EBPL: variants seen among roughly 807,000 people sequenced by gnomAD.
EBPL encodes emopamil-binding protein-like.
EBPL carries 20 observed loss-of-function variants against 19.0 expected under a neutral mutation model. That is an observed-to-expected ratio of 1.05 (90% confidence interval 0.74 to 1.53). The LOEUF (loss-of-function observed/expected upper bound fraction) is 1.53, where lower values mean the gene tolerates loss of function less well. EBPL is among the 40% of genes most tolerant of loss of function. The pLI is 0.00. For synonymous variants in EBPL, 107 were observed against 117.0 expected (o/e 0.91, Z 0.55); for missense variants, 219 against 261.1 (o/e 0.84, Z 1.11).
At chr13:49,690,429 A>AC (rs1954049345) in intron 1 of EBPL, among the ~76,000 whole-genome samples, 2 of 151,518 alleles carry the variant, frequency 1.3e-5, no homozygotes, top group Non-Finnish European at 2.9e-5. Context: ...AAAAAAAAAA[A>AC]AAAACAAACT....
At chr13:49,665,582 T>C (rs1965214060) in intron 2 of EBPL, among the ~76,000 whole-genome samples, 1 of 152,182 alleles carries the variant, frequency 6.6e-6, no homozygotes, top group African/African-American at 2.4e-5. Flanking sequence ...AATTTTTGTA[T>C]TTTTGGTAGA....
At position 49,691,476 on chromosome 13, in the gene EBPL, G is replaced by T. The variant is rs749456215; in HGVS notation, c.-52C>A. On this transcript the variant is annotated 5_prime_UTR_variant, in exon 1 of 4. In the 5' UTR this introduces an upstream ATG that the reference lacks. Transcript: ENST00000242827. The stretch of plus-strand genomic sequence containing the variant: ...CAGGACCATGCGGCAGAGGAAAGCA[G>T]GGAGAGAAACGACGGGGCGGGGCTG... 7.8e-6 allele frequency: 10 copies of T among 1,278,612 alleles called. No individual in the cohort carries two copies. Among genetic ancestry groups the T allele is most frequent in the Non-Finnish European group, 9.9e-6 (10 of 1,011,356 alleles). 79.2% of individuals were successfully genotyped at this position (1,278,612 alleles called of 1,614,324 possible).
chr13:49,665,399 G>T (rs1965211813), intron 2 of EBPL, among the ~76,000 whole-genome samples: 2 of 152,194 alleles, frequency 1.3e-5, no homozygotes, highest in Admixed American at 1.3e-4. Context: ...AGCCTCCCAA[G>T]TAGCTAGGAT....
In EBPL at chr13:49,679,820, A is replaced by G. The variant is rs145301363; in HGVS notation, c.172-9974T>C. On this transcript the variant is annotated intron_variant, in intron 1 of 3. Transcript: ENST00000242827. Reference sequence around the variant, plus strand: ...GCCTGGCCGAGATTGTATTTCTGACATTCATGGCTACTTTCACCTCTCCGG... The same window carrying G: ...GCCTGGCCGAGATTGTATTTCTGACGTTCATGGCTACTTTCACCTCTCCGG... Among the ~76,000 whole-genome samples the G allele has an allele frequency of 1.1e-3, 164 of 152,268 alleles. 2 individuals are homozygous for G. In the East Asian group the frequency reaches 0.029, roughly 27 times the overall value.
At chr13:49,690,474 TGTGTGTGTGTGTGTGCGTGCGC>T (rs11275844) in intron 1 of EBPL, among the ~76,000 whole-genome samples, 53,114 of 145,820 alleles carry the variant, frequency 0.36, 9,869 homozygotes, top group Non-Finnish European at 0.42. Flanking sequence ...AACTTAAAAG[TGTGTGTGTGTGTGTGCGTGCGC>T]GTGTGTGGTG....
At chr13:49,683,221 C>T (rs1010587955) in intron 1 of EBPL, among the ~76,000 whole-genome samples, 3 of 151,882 alleles carry the variant, frequency 2.0e-5, no homozygotes, top group Non-Finnish European at 2.9e-5. Context: ...GTGATCCGCC[C>T]GCCTCAGCCT....
At chr13:49,680,171 C>A (rs1953926583) in intron 1 of EBPL, among the ~76,000 whole-genome samples, 1 of 152,164 alleles carries the variant, frequency 6.6e-6, no homozygotes, top group African/African-American at 2.4e-5. Context: ...ACCCACGAGC[C>A]ACAGGGAAGT....
chr13:49,689,680 T>C (rs1408918956), intron 1 of EBPL, among the ~76,000 whole-genome samples: 2 of 152,238 alleles, frequency 1.3e-5, no homozygotes, highest in African/African-American at 4.8e-5. Flanking sequence ...CATTCTGATA[T>C]GCTATATACA....
At chr13:49,684,597 C>G (rs566596987) in intron 1 of EBPL, among the ~76,000 whole-genome samples, 190 of 152,314 alleles carry the variant, frequency 1.2e-3, no homozygotes, top group African/African-American at 4.5e-3. Context: ...ACTGCTTGAA[C>G]CCAGGAGGCA....
chr13:49,668,470 A>T (rs996294405), intron 2 of EBPL: 4 of 241,098 alleles, frequency 1.7e-5, no homozygotes, highest in Non-Finnish European at 2.5e-5. Context: ...GCTACTCGGG[A>T]GGCTGAGGCA....
chr13:49,673,992 C>CACACACACACACACAA (rs67640243), intron 1 of EBPL, among the ~76,000 whole-genome samples: 1 of 142,562 alleles, frequency 7.0e-6, no homozygotes. Flanking sequence ...CACACACACA[C>CACACACACACACACAA]CACACAAAGA....
chr13:49,674,146 C>T (rs966276876), intron 1 of EBPL, among the ~76,000 whole-genome samples: 4 of 152,232 alleles, frequency 2.6e-5, no homozygotes, highest in Admixed American at 2.6e-4. Flanking sequence ...TCTTGCTCCC[C>T]AGGCAGGAGT....
chr13:49,671,053 G>A (rs1953810633), intron 1 of EBPL, among the ~76,000 whole-genome samples: 2 of 152,210 alleles, frequency 1.3e-5, no homozygotes, highest in Admixed American at 1.3e-4. Context: ...AGCGTTCACT[G>A]TAATGGGCCA....
chr13:49,690,889 C>A (rs1272115826), intron 1 of EBPL, among the ~76,000 whole-genome samples: 2 of 152,212 alleles, frequency 1.3e-5, no homozygotes, highest in Admixed American at 6.5e-5. Context: ...CTCCTTGCCC[C>A]CTCTGGGGCA....
At chr13:49,685,201 G>A (rs956485404) in intron 1 of EBPL, among the ~76,000 whole-genome samples, 11 of 152,204 alleles carry the variant, frequency 7.2e-5, no homozygotes, top group African/African-American at 2.7e-4. Flanking sequence ...CTACATTATA[G>A]TGCTGAAATT....
rs761626388 is a variant in EBPL, at chr13:49,691,353, C to T, written c.72G>A (p.Ala24=). 2.1e-5 allele frequency: 28 copies of T among 1,357,294 alleles called. No homozygotes were observed. The East Asian group carries it at 3.0e-4, about 15-fold the overall frequency. 84.1% of individuals were successfully genotyped at this position (1,357,294 alleles called of 1,614,324 possible). Residue 24 remains alanine, a synonymous_variant, in exon 1 of 4, where the codon GCG becomes GCA. Transcript: ENST00000242827. The part of the protein sequence containing the change: ...SLLLCAALLA[A]GCALGLRLGR... ...CCAGGCGCAGGCCCAGGGCGCAGCC[C>T]GCCGCCAGCAGCGCGGCGCACAGCA...
chr13:49,666,722 A>AC (rs1428570648), intron 2 of EBPL, among the ~76,000 whole-genome samples: 17 of 150,248 alleles, frequency 1.1e-4, no homozygotes, highest in African/African-American at 1.7e-4. Context: ...AAAAAAAAAA[A>AC]AAAAAAAAAA....
At chr13:49,670,036 T>A (rs1428554163) in intron 1 of EBPL, among the ~76,000 whole-genome samples, 190 bp from the exon 2 acceptor site, 2 of 152,184 alleles carry the variant, frequency 1.3e-5, no homozygotes, top group Non-Finnish European at 2.9e-5. Flanking sequence ...ACCTTGGAAA[T>A]GGGTATGTCT....
intron 1 of EBPL, among the ~76,000 whole-genome samples, chr13:49,678,378 G>A (rs999128211): frequency 6.6e-6 from 1 of 152,240 alleles, no homozygotes; most frequent in Non-Finnish European, 1.5e-5. Flanking sequence ...TCGCTGCGGA[G>A]CAGGGGGCAG....
Sources: gnomAD v4.1 joint callset for allele counts (sites outside exome capture counted in the v4.1 genomes callset) on GRCh38, gnomAD v4.1.1 for gene constraint, MANE v1.5 for transcripts, NCBI Gene and HGNC (gene_info 2026-07-23, HGNC 2026-07-21) for gene names.